Variants in SOS1 observed in about 807,000 individuals in gnomAD.
SOS1 encodes the protein son of sevenless homolog 1.
Under a neutral mutation model 157.6 loss-of-function variants are expected in SOS1, and 25 were observed. That is an observed-to-expected ratio of 0.16 (90% CI 0.12 to 0.22). The LOEUF (loss-of-function observed/expected upper bound fraction) is 0.22. SOS1 is among the 10% of genes least tolerant of loss of function. The pLI is 1.00. For synonymous variants in SOS1, 528 were observed against 534.0 expected, an observed-to-expected ratio of 0.99 and a Z score of 0.16; for missense variants, 1,237 against 1,599.1, an observed-to-expected ratio of 0.77 and a Z score of 3.86.
intron 20 of SOS1, among the ~76,000 whole-genome samples, chr2:38,991,519 T>C (rs1668732580): frequency 6.6e-6 from 1 of 152,170 alleles, no homozygotes; most frequent in Non-Finnish European, 1.5e-5. Context: ...CAGAAACAAG[T>C]AGTGAGCCAG....
intron 20 of SOS1, among the ~76,000 whole-genome samples, chr2:38,992,064 C>T (rs1019906576): frequency 1.3e-5 from 2 of 152,154 alleles, no homozygotes; most frequent in African/African-American, 4.8e-5. Flanking sequence ...TGACTGCAGT[C>T]AAGGCAGTTC....
intron 1 of SOS1, among the ~76,000 whole-genome samples, chr2:39,108,733 A>T (rs529929114): frequency 6.3e-4 from 96 of 152,162 alleles, no homozygotes; most frequent in Non-Finnish European, 1.1e-3. Flanking sequence ...TACAAAAAAA[A>T]TTTTTAAAAA....
At chr2:38,992,930 T>C (rs1668777107) in intron 20 of SOS1, 1 of 152,094 alleles carries the variant, frequency 6.6e-6, no homozygotes, top group Non-Finnish European at 1.5e-5. Flanking sequence ...ATCTGACAGC[T>C]TACTATGTGT....
chr2:39,006,345 T>C, intron 17 of SOS1, 67 bp downstream of exon 17: 1 of 827,502 alleles, frequency 1.2e-6, no homozygotes, highest in Non-Finnish European at 2.1e-6. Flanking sequence ...AATTATTCAG[T>C]CATTTAATGA....
chr2:39,113,118 T>C (rs1358080045), intron 1 of SOS1, among the ~76,000 whole-genome samples: 2 of 152,156 alleles, frequency 1.3e-5, no homozygotes, highest in Non-Finnish European at 2.9e-5. Context: ...AACCCATCTT[T>C]ATCACTTTCC....
intron 1 of SOS1, among the ~76,000 whole-genome samples, chr2:39,080,103 T>A (rs1236118530): frequency 6.6e-6 from 1 of 152,028 alleles, no homozygotes; most frequent in Non-Finnish European, 1.5e-5. Flanking sequence ...TAATATATAA[T>A]AAAATAATTA....
intron 1 of SOS1, among the ~76,000 whole-genome samples, chr2:39,116,538 T>A (rs989979816): frequency 1.3e-5 from 2 of 152,250 alleles, no homozygotes; most frequent in African/African-American, 4.8e-5. Flanking sequence ...ATGGCCAAAG[T>A]GAATTTTCTA....
In SOS1 at chr2:38,986,031, A is replaced by C. The variant is rs538954728; in HGVS notation, c.3795T>G (p.Ser1265=). The part of the protein sequence containing the change: ...PFTPPPPQTP[S]PHGTRRHLPS... ...GCAGATGCCTTCTTGTGCCGTGAGG[A>C]GAAGGTGTTTGAGGAGGAGGTGGTG... Residue 1265 remains serine (S), a synonymous_variant, in exon 23 of 23, where the codon TCT becomes TCG. Transcript: ENST00000402219. 1.2e-5 allele frequency: 19 copies of C among 1,613,682 alleles called. No homozygotes were observed. The highest frequency in any genetic ancestry group is 1.7e-5 in the Admixed American group (1 of 59,956).
At chr2:38,999,561 TAA>T (rs1289889722) in intron 17 of SOS1, among the ~76,000 whole-genome samples, 1 of 152,254 alleles carries the variant, frequency 6.6e-6, no homozygotes, top group Non-Finnish European at 1.5e-5. Context: ...GATACATTCA[TAA>T]GACAAAGTGA....
intron 20 of SOS1, among the ~76,000 whole-genome samples, chr2:38,990,381 A>G (rs1029881080): frequency 6.6e-6 from 1 of 152,106 alleles, no homozygotes; most frequent in Non-Finnish European, 1.5e-5. Context: ...GCTAATTCTA[A>G]TATTACCTTT....
chr2:39,123,955 C>G (rs1041461974), upstream of SOS1, among the ~76,000 whole-genome samples: 1 of 152,216 alleles, frequency 6.6e-6, no homozygotes, highest in Non-Finnish European at 1.5e-5. Flanking sequence ...GCCCTAGAAA[C>G]ATGGGTTACA....
At chr2:39,065,424 C>T (rs529459039) in intron 2 of SOS1, among the ~76,000 whole-genome samples, 2 of 152,254 alleles carry the variant, frequency 1.3e-5, no homozygotes, top group South Asian at 4.1e-4. Flanking sequence ...CAAAATACCC[C>T]AGCCTCTTAA....
intron 2 of SOS1, among the ~76,000 whole-genome samples, chr2:39,063,936 G>A (rs955158382): frequency 1.3e-5 from 2 of 151,816 alleles, no homozygotes; most frequent in Non-Finnish European, 2.9e-5. Flanking sequence ...GGGCTCAGGC[G>A]ATCCTCCCAC....
intron 1 of SOS1, 137 bp from the exon 2 acceptor site, chr2:39,067,890 G>A (rs550442256): frequency 4.6e-5 from 34 of 738,868 alleles, no homozygotes; most frequent in East Asian, 8.2e-5. Flanking sequence ...AGGCCAAGGC[G>A]GGCAGATCAC....
chr2:39,108,754 G>C (rs375741128), intron 1 of SOS1, among the ~76,000 whole-genome samples: 2 of 152,096 alleles, frequency 1.3e-5, no homozygotes, highest in African/African-American at 4.8e-5. Flanking sequence ...TTAGCCAGGA[G>C]TGGTGGTACA....
rs1367714753 is a variant in SOS1, at chr2:39,006,522, G to C, written c.2681C>G (p.Pro894Arg). The change falls in exon 17 of 23, where the codon CCA (proline) becomes CGA (arginine). Residue 894 changes from proline (P) to arginine (R), a missense_variant. Physicochemically the swap from Pro to Arg is moderately radical, Grantham distance 103 (BLOSUM62 -2). Transcript: ENST00000402219. The stretch of plus-strand genomic sequence containing the variant: ...TTCTAAAATTTTCTTCTGGCGACTT[G>C]GTATTTGCTATAAGGAAAAAAAATA... ...YRLDHTFEQI[P>R]SRQKKILEEA... is the part of the protein sequence containing the mutation. 1 of 1,547,838 alleles carries C rather than the reference G, an allele frequency of 6.5e-7. No individual in the cohort carries two copies. Among genetic ancestry groups the C allele is most frequent in the Non-Finnish European group, 8.9e-7 (1 of 1,120,534 alleles).
intron 6 of SOS1, among the ~76,000 whole-genome samples, chr2:39,041,754 C>G (rs1299790520): frequency 6.6e-6 from 1 of 152,162 alleles, no homozygotes; most frequent in Admixed American, 6.5e-5. Flanking sequence ...TTTTCTTGAA[C>G]AGAAGTTTTA....
intron 1 of SOS1, among the ~76,000 whole-genome samples, chr2:39,070,570 T>C (rs897940226): frequency 5.3e-5 from 8 of 152,160 alleles, no homozygotes; most frequent in African/African-American, 1.9e-4. Context: ...TAGTCCTGAT[T>C]TCTCTCCTCA....
At chr2:39,043,319 G>C (rs760377152) in intron 6 of SOS1, among the ~76,000 whole-genome samples, 2 of 152,026 alleles carry the variant, frequency 1.3e-5, no homozygotes, top group Non-Finnish European at 2.9e-5. Context: ...AAGATATATA[G>C]ACATATGTTT....
Sources: allele counts gnomAD v4.1 joint callset (sites outside exome capture counted in the v4.1 genomes callset), GRCh38; gene constraint gnomAD v4.1.1; transcripts MANE v1.5; gene names NCBI Gene and HGNC (gene_info 2026-07-23, HGNC 2026-07-21).